ZNF277: variants seen among roughly 807,000 people sequenced by gnomAD.
ZNF277 encodes the protein zinc finger protein 277.
ZNF277 carries 55 observed loss-of-function variants against 60.7 expected under a neutral mutation model. The ratio of observed to expected loss-of-function variants is 0.91; its 90% CI spans 0.73 to 1.13. ZNF277 has a LOEUF of 1.13. Among genes scored for constraint, ZNF277 ranks in the 50% most tolerant of loss-of-function variants. The pLI, the probability that ZNF277 is intolerant of heterozygous loss-of-function variation, is 0.00. For missense variants in ZNF277, 510 were observed against 523.0 expected, an observed-to-expected ratio of 0.98 and a Z score of 0.24; for synonymous variants, 178 against 179.3, an observed-to-expected ratio of 0.99 and a Z score of 0.06.
intron 1 of ZNF277, among the ~76,000 whole-genome samples, chr7:112,210,121 A>G (rs956217258): frequency 6.6e-6 from 1 of 152,184 alleles, no homozygotes; most frequent in African/African-American, 2.4e-5. Flanking sequence ...AGTTGTGCAC[A>G]TGTACCCTGG....
chr7:112,340,907 T>G lies in ZNF277; in HGVS notation c.1045T>G (p.Phe349Val). 4 of 1,611,664 alleles carry G rather than the reference T, an allele frequency of 2.5e-6. No individual in the cohort carries two copies. The highest frequency in any genetic ancestry group is 2.2e-5 in the East Asian group (1 of 44,820). ...NFYQQVKLVN[F>V]IRRQVHQCRC... ...CTATCAGCAAGTGAAACTGGTCAAT[T>G]TTATTCGGAGGCAAGTTCACCAATG... Residue 349 changes from phenylalanine (F) to valine (V), a missense_variant, in exon 11 of 12, where the codon TTT becomes GTT. Coordinates refer to ENST00000361822, the MANE Select transcript of ZNF277 (RefSeq NM_021994.3).
intron 1 of ZNF277, among the ~76,000 whole-genome samples, chr7:112,226,361 C>T (rs1219621239): frequency 6.6e-6 from 1 of 152,112 alleles, no homozygotes; most frequent in Non-Finnish European, 1.5e-5. Context: ...ACATTTTCTC[C>T]ATTATATACA....
chr7:112,226,878 TAGAC>T (rs1311258056), intron 1 of ZNF277, among the ~76,000 whole-genome samples: 1 of 152,156 alleles, frequency 6.6e-6, no homozygotes, highest in Non-Finnish European at 1.5e-5. Flanking sequence ...GCTTTTTTTT[TAGAC>T]AGCTTCAAAA....
intron 4 of ZNF277, among the ~76,000 whole-genome samples, chr7:112,300,870 A>G (rs1244876400): frequency 6.6e-6 from 1 of 151,926 alleles, no homozygotes; most frequent in African/African-American, 2.4e-5. Flanking sequence ...TCTCACCCCT[A>G]TATCTAAGTC....
At chr7:112,314,582 G>T (rs531649118) in intron 4 of ZNF277, among the ~76,000 whole-genome samples, 3 of 151,988 alleles carry the variant, frequency 2.0e-5, no homozygotes, top group Admixed American at 1.3e-4. Context: ...TCACTTGACC[G>T]CAGGAGTTCA....
chr7:112,261,284 G>A (rs950713384), intron 1 of ZNF277, among the ~76,000 whole-genome samples: 8 of 152,154 alleles, frequency 5.3e-5, no homozygotes, highest in Admixed American at 1.3e-4. Context: ...GTACATACTT[G>A]AAGACTGTCC....
At chr7:112,339,926 T>C in intron 10 of ZNF277, 41 bp downstream of exon 10, 1 of 1,581,186 alleles carries the variant, frequency 6.3e-7, no homozygotes, top group East Asian at 2.2e-5. Context: ...ATGCTTCATT[T>C]TTTATAAACC....
chr7:112,271,324 C>A (rs1791664811), intron 1 of ZNF277, among the ~76,000 whole-genome samples: 1 of 152,146 alleles, frequency 6.6e-6, no homozygotes, highest in South Asian at 2.1e-4. Context: ...TATTGTCCAG[C>A]ATCATTTTAT....
At chr7:112,267,126 A>G (rs960360385) in intron 1 of ZNF277, among the ~76,000 whole-genome samples, 1 of 152,190 alleles carries the variant, frequency 6.6e-6, no homozygotes, top group Non-Finnish European at 1.5e-5. Context: ...CAGAAATGGC[A>G]GCTTGCAGTG....
At chr7:112,247,324 G>A (rs1791107721) in intron 1 of ZNF277, among the ~76,000 whole-genome samples, 1 of 152,096 alleles carries the variant, frequency 6.6e-6, no homozygotes. Flanking sequence ...ACATTAGCTA[G>A]GGTAGATTAA....
intron 1 of ZNF277, among the ~76,000 whole-genome samples, chr7:112,207,049 C>A (rs545495777): frequency 6.6e-6 from 1 of 152,186 alleles, no homozygotes; most frequent in African/African-American, 2.4e-5. Flanking sequence ...ATGGAATGGC[C>A]TTCCCCTCCG....
chr7:112,336,930 G>C (rs759120006), intron 8 of ZNF277, among the ~76,000 whole-genome samples: 8 of 152,162 alleles, frequency 5.3e-5, no homozygotes, highest in African/African-American at 9.7e-5. Flanking sequence ...GGGACTGGTG[G>C]CTCCCTCCTG....
At chr7:112,296,912 ATTTTTT>A (rs1170078999) in intron 4 of ZNF277, among the ~76,000 whole-genome samples, 2 of 39,664 alleles carry the variant, frequency 5.0e-5, no homozygotes, top group African/African-American at 1.1e-4. Flanking sequence ...TTATTTATTT[ATTTTTT>A]TTTTTTTTTT....
At chr7:112,340,582 G>A (rs904407950) in intron 10 of ZNF277, among the ~76,000 whole-genome samples, 5 of 152,112 alleles carry the variant, frequency 3.3e-5, no homozygotes, top group Admixed American at 3.3e-4. Context: ...AGCTATCTAT[G>A]CGATGCTAGG....
rs1381805427 is a variant in ZNF277 at position 112,296,250 on chromosome 7, T to C, written c.404T>C (p.Leu135Ser). ...APFEEQENYF[L>S]LCDVLPEDRI... ...ACAGAAGAACAAGAGAATTATTTTT[T>C]GTTATGTGACGTTTTACCAGAAGAT... The change falls in exon 4 of 12, where the codon TTG becomes TCG. Residue 135 changes from leucine (L) to serine (S), a missense_variant. Coordinates refer to ENST00000361822, the MANE Select transcript of ZNF277 (RefSeq NM_021994.3). 6.3e-7 allele frequency: 1 copy of C among 1,585,090 alleles called. No individual in the cohort carries two copies. Among genetic ancestry groups the C allele is most frequent in the Non-Finnish European group, 8.6e-7 (1 of 1,165,878 alleles).
chr7:112,287,221 A>G, intron 2 of ZNF277, 147 bp downstream of exon 2: 1 of 739,368 alleles, frequency 1.4e-6, no homozygotes, highest in South Asian at 1.8e-5. Context: ...AACAAAATTT[A>G]AAAATTATCT....
At chr7:112,258,271 C>CT (rs765645711) in intron 1 of ZNF277, among the ~76,000 whole-genome samples, 128 of 149,396 alleles carry the variant, frequency 8.6e-4, no homozygotes, top group Non-Finnish European at 5.4e-4. Context: ...ATACAGAAGC[C>CT]TTTTTTTTTG....
chr7:112,233,688 G>T (rs982148240), intron 1 of ZNF277, among the ~76,000 whole-genome samples: 1 of 152,056 alleles, frequency 6.6e-6, no homozygotes, highest in Admixed American at 6.6e-5. Context: ...TGACTACAGG[G>T]TTATTATATT....
chr7:112,284,276 A>G (rs1400663991), intron 1 of ZNF277, among the ~76,000 whole-genome samples: 1 of 152,234 alleles, frequency 6.6e-6, no homozygotes, highest in East Asian at 1.9e-4. Flanking sequence ...CAGCAGTCAA[A>G]CCAATAAATT....
Sources: gnomAD v4.1 joint callset for allele counts (sites outside exome capture counted in the v4.1 genomes callset) on GRCh38, gnomAD v4.1.1 for gene constraint, MANE v1.5 for transcripts, NCBI Gene and HGNC (gene_info 2026-07-23, HGNC 2026-07-21) for gene names.